The following CLEC2D variants were observed in gnomAD, a reference collection of about 807,000 sequenced individuals.
CLEC2D encodes C-type lectin related f.
CLEC2D carries 16 observed loss-of-function variants against 20.0 expected under a neutral mutation model. The ratio of observed to expected loss-of-function variants is 0.80; its 90% CI spans 0.54 to 1.22. The LOEUF (loss-of-function observed/expected upper bound fraction) is 1.22. Among genes scored for constraint, CLEC2D ranks in the 50% most tolerant of loss-of-function variants. The pLI is 0.00. For missense variants in CLEC2D, 207 were observed against 221.5 expected (o/e 0.93, Z 0.42); for synonymous variants, 77 against 71.1 (o/e 1.08, Z -0.42).
intron 3 of CLEC2D, among the ~76,000 whole-genome samples, chr12:9,692,175 G>T (rs752868629): frequency 6.6e-6 from 1 of 151,950 alleles, no homozygotes; most frequent in South Asian, 2.1e-4. Flanking sequence ...TCACTCTATT[G>T]CCCAGGCTGG....
chr12:9,687,006 C>T (rs987699550), intron 2 of CLEC2D, among the ~76,000 whole-genome samples: 3 of 152,184 alleles, frequency 2.0e-5, no homozygotes, highest in South Asian at 2.1e-4. Context: ...GAGCAGCAAT[C>T]GCCAACCTTG....
intron 1 of CLEC2D, 60 bp downstream of exon 1, chr12:9,669,855 G>A (rs1287158871): frequency 7.5e-7 from 1 of 1,339,240 alleles, no homozygotes; most frequent in East Asian, 2.3e-5. Context: ...TAGTGGTAGT[G>A]ATGGGCTCAC....
chr12:9,681,913 A>C (rs1419661049), intron 2 of CLEC2D, among the ~76,000 whole-genome samples: 4 of 152,244 alleles, frequency 2.6e-5, no homozygotes, highest in Admixed American at 6.5e-5. Flanking sequence ...TCAGAGATTT[A>C]AGTCAACTAA....
chr12:9,692,625 A>G (rs1400200531), intron 3 of CLEC2D, among the ~76,000 whole-genome samples: 1 of 152,362 alleles, frequency 6.6e-6, no homozygotes, highest in African/African-American at 2.4e-5. Context: ...TAACCAAATT[A>G]TCAACAATTT....
chr12:9,684,459 A>G (rs1355888504), intron 2 of CLEC2D, among the ~76,000 whole-genome samples: 3 of 152,196 alleles, frequency 2.0e-5, no homozygotes, highest in African/African-American at 7.2e-5. Flanking sequence ...GCCTTGTGCC[A>G]GTTTACAAAG....
rs2120992842 is a variant in CLEC2D at position 9,695,724 on chromosome 12, G to A, written c.*850G>A. The A allele has an allele frequency of 2.7e-6, 4 of 1,498,366 alleles. No homozygotes were observed. Among genetic ancestry groups the A allele is most frequent in the Admixed American group, 3.3e-5 (2 of 59,790 alleles). The allele number at this position is 1,498,366 out of a possible 1,614,324, so 92.8% of individuals were successfully genotyped here. ...CAGGGCCAGTGCATATTAGTGGACA[G>A]CACTTAGTAGCTGTGAAGGAAGGTG... On this transcript the variant is annotated 3_prime_UTR_variant, in exon 5 of 5. Coordinates refer to ENST00000290855, the MANE Select transcript of CLEC2D (RefSeq NM_013269.6).
rs372741326 is a variant in CLEC2D at position 9,681,015 on chromosome 12, A to G, written c.154A>G (p.Met52Val). ...GTTTCTGACAATCATAGTGTGTGGAATGGTTGCTGCTTTAAGCGGTAAGTG... is the reference window on the plus strand; with the variant it reads ...GTTTCTGACAATCATAGTGTGTGGAGTGGTTGCTGCTTTAAGCGGTAAGTG... Reference protein sequence around the residue: ...IMFLTIIVCGMVAALSAIRAN... With the variant: ...IMFLTIIVCGVVAALSAIRAN... The change falls in exon 2 of 5, where the codon ATG becomes GTG. Residue 52 changes from methionine (M) to valine (V), a missense_variant. Coordinates refer to ENST00000290855, the MANE Select transcript of CLEC2D (RefSeq NM_013269.6). 2 of 1,581,814 alleles carry G rather than the reference A, an allele frequency of 1.3e-6. No individual in the cohort carries two copies. Among genetic ancestry groups the G allele is most frequent in the Non-Finnish European group, 1.7e-6 (2 of 1,151,904 alleles).
In CLEC2D at chr12:9,697,224, T is replaced by C. The variant is rs1866017329; in HGVS notation, c.*2350T>C. On this transcript the variant is annotated 3_prime_UTR_variant, in exon 5 of 5. Coordinates refer to ENST00000290855, the MANE Select transcript of CLEC2D (RefSeq NM_013269.6). ...CCCACGCTGGAAGGTTGTGGGTTTA[T>C]GGGAATGAGGGCAAGGAACACCTGG... 6.6e-6 allele frequency: 1 copy of C among 152,084 alleles called. No individual in the cohort carries two copies. Among genetic ancestry groups the C allele is most frequent in the Non-Finnish European group, 1.5e-5 (1 of 68,024 alleles). The allele number at this position is 152,084 out of a possible 1,614,324, so 9.4% of individuals were successfully genotyped here.
intron 2 of CLEC2D, 131 bp from the exon 3 acceptor site, chr12:9,687,771 A>T: frequency 2.0e-6 from 1 of 505,888 alleles, no homozygotes; most frequent in Non-Finnish European, 3.1e-6. Flanking sequence ...CATATTTCTC[A>T]CTTGAAAAAT....
At chr12:9,681,602 G>T (rs1020057355) in intron 2 of CLEC2D, among the ~76,000 whole-genome samples, 1 of 117,530 alleles carries the variant, frequency 8.5e-6, no homozygotes. Flanking sequence ...CATGCTTGCA[G>T]TGCATCTAAT....
In CLEC2D at chr12:9,680,922, G is replaced by C. The variant is rs766013623; in HGVS notation, c.62-1G>C. 6.9e-7 allele frequency: 1 copy of C among 1,459,464 alleles called. No homozygotes were observed. Among genetic ancestry groups the C allele is most frequent in the South Asian group, 1.2e-5 (1 of 86,874 alleles). The allele number at this position is 1,459,464 out of a possible 1,614,324, so 90.4% of individuals were successfully genotyped here. ...AAATGTTTTTCAATAATTTTTTCCA[G>C]GTTGTCTGCATTCAAAAGAGCATTC... On this transcript the variant is annotated splice_acceptor_variant, in intron 1 of 4. Transcript: ENST00000290855. LOFTEE classifies it high-confidence loss of function.
chr12:9,671,358 C>A (rs755848798), intron 1 of CLEC2D, among the ~76,000 whole-genome samples: 1 of 152,102 alleles, frequency 6.6e-6, no homozygotes, highest in African/African-American at 2.4e-5. Flanking sequence ...GTAGCTGGGA[C>A]TACAGGCGCC....
At chr12:9,691,761 G>C (rs1865867832) in intron 3 of CLEC2D, among the ~76,000 whole-genome samples, 1 of 152,116 alleles carries the variant, frequency 6.6e-6, no homozygotes, top group South Asian at 2.1e-4. Flanking sequence ...ATAGTTCTAA[G>C]AGGGAAATTT....
At chr12:9,671,255 A>T (rs746284295) in intron 1 of CLEC2D, among the ~76,000 whole-genome samples, 4 of 152,174 alleles carry the variant, frequency 2.6e-5, no homozygotes, top group South Asian at 4.1e-4. Context: ...GTGGAGTCTC[A>T]CTCTGTCCCC....
rs879074191 is a variant in CLEC2D, at chr12:9,695,864, A to C, written c.*990A>C. ...AAACTTGCTGCTGCTGCTGATGATG[A>C]TGATGATGAAGATGATGATGATGAT... On this transcript the variant is annotated 3_prime_UTR_variant, in exon 5 of 5. Coordinates refer to ENST00000290855, the MANE Select transcript of CLEC2D (RefSeq NM_013269.6). 2,056 of 740,878 alleles carry C rather than the reference A, an allele frequency of 2.8e-3. 7 individuals carry two copies. Among genetic ancestry groups the C allele is most frequent in the South Asian group, 6.5e-3 (336 of 52,076 alleles). 45.9% of individuals were successfully genotyped at this position (740,878 alleles called of 1,614,324 possible). A position where few individuals can be genotyped will look rare whatever the true frequency, so the allele number is the denominator to read the frequency against.
rs116437669 is a variant in CLEC2D at position 9,673,143 on chromosome 12, A to T, written c.61+3348A>T. ...TGCGATCATTTGGAGGAGAAGAGGC[A>T]CTCTGGCTTTTGGAATTTTCACCGT... On this transcript the variant is annotated intron_variant, in intron 1 of 4. Coordinates refer to ENST00000290855, the MANE Select transcript of CLEC2D (RefSeq NM_013269.6). Among the ~76,000 whole-genome samples the T allele has an allele frequency of 9.2e-3, 1,398 of 152,106 alleles. 14 individuals carry two copies. The highest frequency in any genetic ancestry group is 0.029 in the African/African-American group (1,187 of 41,492).
chr12:9,685,231 C>A (rs889137790), intron 2 of CLEC2D, among the ~76,000 whole-genome samples: 2 of 152,206 alleles, frequency 1.3e-5, no homozygotes, highest in African/African-American at 4.8e-5. Context: ...CAGAGGGGCA[C>A]GCACCAGATG....
chr12:9,693,102 C>G, intron 4 of CLEC2D, 171 bp downstream of exon 4: 1 of 1,612,844 alleles, frequency 6.2e-7, no homozygotes, highest in Non-Finnish European at 8.5e-7. Context: ...CGAATGAATC[C>G]AAGACCTGTC....
intron 3 of CLEC2D, 113 bp downstream of exon 3, chr12:9,688,199 T>A: frequency 8.6e-7 from 1 of 1,160,538 alleles, no homozygotes; most frequent in Non-Finnish European, 1.1e-6. Flanking sequence ...GATTTTTTTT[T>A]TTTTTTTTTT....
Sources: gnomAD v4.1 joint callset for allele counts (sites outside exome capture counted in the v4.1 genomes callset) on GRCh38, gnomAD v4.1.1 for gene constraint, MANE v1.5 for transcripts, NCBI Gene and HGNC (gene_info 2026-07-23, HGNC 2026-07-21) for gene names.